The following GPC5 variants were observed in gnomAD, a reference collection of about 807,000 sequenced individuals.
GPC5 encodes the protein glypican-5.
Under a neutral mutation model 53.9 loss-of-function variants are expected in GPC5, and 47 were observed. That is an observed-to-expected ratio of 0.87 (90% CI 0.69 to 1.11). The LOEUF is 1.11. Ranked by LOEUF, GPC5 falls within the 50% of genes most tolerant of loss-of-function variation. GPC5 has a pLI of 0.00. For missense variants in GPC5, 748 were observed against 713.1 expected, an observed-to-expected ratio of 1.05 and a Z score of -0.56; for synonymous variants, 286 against 263.3, an observed-to-expected ratio of 1.09 and a Z score of -0.84.
At chr13:92,482,996 C>G (rs554371682) in intron 7 of GPC5, among the ~76,000 whole-genome samples, 4 of 152,094 alleles carry the variant, frequency 2.6e-5, no homozygotes, top group Non-Finnish European at 5.9e-5. Flanking sequence ...AGCAAAGGCA[C>G]GTCTTACATG....
intron 7 of GPC5, among the ~76,000 whole-genome samples, chr13:92,861,648 T>G (rs1040548537): frequency 6.6e-6 from 1 of 152,188 alleles, no homozygotes; most frequent in Non-Finnish European, 1.5e-5. Context: ...ATTTTCTCCA[T>G]TTTTCTGTGT....
intron 2 of GPC5, among the ~76,000 whole-genome samples, chr13:91,506,348 G>A (rs1050771093): frequency 4.6e-5 from 7 of 152,086 alleles, no homozygotes; most frequent in East Asian, 1.9e-4. Context: ...CAGTTTCATC[G>A]CCTTTATTGA....
intron 7 of GPC5, among the ~76,000 whole-genome samples, chr13:92,531,990 C>T (rs971094613): frequency 7.9e-5 from 12 of 152,118 alleles, no homozygotes; most frequent in African/African-American, 2.9e-4. Context: ...CCCAGATGCA[C>T]TTTAGAGAAT....
At chr13:92,457,230 T>G (rs1878303538) in intron 7 of GPC5, among the ~76,000 whole-genome samples, 1 of 152,186 alleles carries the variant, frequency 6.6e-6, no homozygotes, top group Non-Finnish European at 1.5e-5. Context: ...TGACATTTTC[T>G]TTATCCAATC....
At chr13:92,411,575 C>T (rs1029002728) in intron 7 of GPC5, among the ~76,000 whole-genome samples, 2 of 152,124 alleles carry the variant, frequency 1.3e-5, no homozygotes, top group African/African-American at 2.4e-5. Flanking sequence ...CAACAGGACA[C>T]TTGACTTTGT....
At chr13:91,510,312 A>C (rs956038683) in intron 2 of GPC5, among the ~76,000 whole-genome samples, 4 of 151,938 alleles carry the variant, frequency 2.6e-5, no homozygotes, top group African/African-American at 9.7e-5. Flanking sequence ...ACAAGCTCAT[A>C]GATAGATGCT....
chr13:91,891,203 A>AT lies in GPC5; in HGVS notation c.1281-16726dup, dbSNP rs199980852. Reference sequence around the variant, plus strand: ...CAATCTAATAACAGATGTATTAAAGATTTTTTTTAGAAACAACTTTTTCTG... The same window carrying AT: ...CAATCTAATAACAGATGTATTAAAGATTTTTTTTTAGAAACAACTTTTTCTG... On this transcript the variant is annotated intron_variant, in intron 5 of 7. Transcript: ENST00000377067. Among the ~76,000 whole-genome samples, 854 of 152,108 alleles carry AT rather than the reference A, an allele frequency of 5.6e-3. 14 individuals carry two copies. The highest frequency in any genetic ancestry group is 0.02 in the African/African-American group (810 of 41,498).
intron 1 of GPC5, among the ~76,000 whole-genome samples, chr13:91,433,349 C>T: frequency 7.2e-6 from 1 of 139,502 alleles, no homozygotes; most frequent in Non-Finnish European, 1.6e-5. Flanking sequence ...ATCCCTACCC[C>T]CTCCCCCCAC....
At chr13:92,575,250 A>G (rs1259647597) in intron 7 of GPC5, among the ~76,000 whole-genome samples, 2 of 152,126 alleles carry the variant, frequency 1.3e-5, no homozygotes, top group Non-Finnish European at 2.9e-5. Flanking sequence ...TGCAGATGTA[A>G]TTAAGTTAAT....
intron 7 of GPC5, among the ~76,000 whole-genome samples, chr13:92,341,597 T>C (rs1286354505): frequency 6.6e-6 from 1 of 152,048 alleles, no homozygotes; most frequent in Non-Finnish European, 1.5e-5. Flanking sequence ...GTTGCTGATG[T>C]AGTAAAATAA....
chr13:92,205,328 C>T (rs2042326077), intron 7 of GPC5, among the ~76,000 whole-genome samples: 1 of 152,074 alleles, frequency 6.6e-6, no homozygotes, highest in African/African-American at 2.4e-5. Context: ...TGATTAATTA[C>T]CTATCTGATT....
chr13:91,441,309 G>A (rs942497300), intron 1 of GPC5, among the ~76,000 whole-genome samples: 3 of 152,194 alleles, frequency 2.0e-5, no homozygotes, highest in Non-Finnish European at 4.4e-5. Context: ...AGCCATTAAA[G>A]AGGTGTTATC....
At chr13:92,146,187 T>C (rs1244762790) in intron 7 of GPC5, among the ~76,000 whole-genome samples, 1 of 152,164 alleles carries the variant, frequency 6.6e-6, no homozygotes, top group East Asian at 1.9e-4. Flanking sequence ...GTTAAATATA[T>C]TCTATTCTTA....
chr13:92,333,133 G>A lies in GPC5; in HGVS notation c.1561+188144G>A, dbSNP rs1349346141. ...GTTGATAAATTGGTGGGGGCACAAA[G>A]TGGACAAGTCTCAGAATTAAAAACT... On this transcript the variant is annotated intron_variant, in intron 7 of 7. Coordinates refer to ENST00000377067, the MANE Select transcript of GPC5 (RefSeq NM_004466.6). 3.3e-5 allele frequency among the ~76,000 whole-genome samples: 5 copies of A among 152,256 alleles called. No individual in the cohort carries two copies. In the East Asian group the frequency reaches 9.7e-4, roughly 29 times the overall value.
intron 6 of GPC5, among the ~76,000 whole-genome samples, chr13:91,970,443 A>C (rs2040231038): frequency 6.6e-6 from 1 of 150,518 alleles, no homozygotes; most frequent in African/African-American, 2.5e-5. Flanking sequence ...CCCCCCTCAC[A>C]CATACACACA....
intron 5 of GPC5, among the ~76,000 whole-genome samples, chr13:91,759,111 A>G (rs2037355177): frequency 6.6e-6 from 1 of 152,122 alleles, no homozygotes; most frequent in African/African-American, 2.4e-5. Flanking sequence ...TAATGCCCCA[A>G]GTAAGTTGAT....
At chr13:91,531,372 T>C (rs976015370) in intron 2 of GPC5, among the ~76,000 whole-genome samples, 7 of 140,568 alleles carry the variant, frequency 5.0e-5, no homozygotes, top group African/African-American at 1.7e-4. Context: ...AACATAGGGG[T>C]TTTTTTTCCT....
At chr13:92,040,842 AT>A (rs1313963255) in intron 6 of GPC5, among the ~76,000 whole-genome samples, 1 of 152,150 alleles carries the variant, frequency 6.6e-6, no homozygotes, top group Non-Finnish European at 1.5e-5. Flanking sequence ...TGCTGCAGGA[AT>A]TTAACTCTTA....
At position 91,912,824 on chromosome 13, in the gene GPC5, A is replaced by G. The variant is rs184667787; in HGVS notation, c.1401+4767A>G. On this transcript the variant is annotated intron_variant, in intron 6 of 7. Coordinates refer to ENST00000377067, the MANE Select transcript of GPC5 (RefSeq NM_004466.6). ...TTTTTTTCCTTGTAATACATTCTAC[A>G]TGTTGAAACTAACAATATGTTCCTT... Among the ~76,000 whole-genome samples, 866 of 152,292 alleles carry G rather than the reference A, an allele frequency of 5.7e-3. 8 individuals carry two copies. Among genetic ancestry groups the G allele is most frequent in the African/African-American group, 0.02 (840 of 41,540 alleles).
Sources: gnomAD v4.1 joint callset for allele counts (sites outside exome capture counted in the v4.1 genomes callset) on GRCh38, gnomAD v4.1.1 for gene constraint, MANE v1.5 for transcripts, NCBI Gene and HGNC (gene_info 2026-07-23, HGNC 2026-07-21) for gene names.